ABHD2: variants seen among roughly 807,000 people sequenced by gnomAD.
ABHD2 encodes the protein abhydrolase domain containing 2, acylglycerol lipase.
In ABHD2, 20 loss-of-function variants were observed where a neutral mutation model predicts 48.1. That is an observed-to-expected ratio of 0.42 (90% CI 0.29 to 0.60). The LOEUF (loss-of-function observed/expected upper bound fraction) is 0.60, where lower values mean the gene tolerates loss of function less well. ABHD2 is among the 20% of genes least tolerant of loss of function. The probability of loss-of-function intolerance (pLI) is 0.24; values close to 1 mark genes in which losing one functional copy is unlikely to be tolerated. For synonymous variants in ABHD2, 209 were observed against 214.2 expected, an observed-to-expected ratio of 0.98 and a Z score of 0.21; for missense variants, 405 against 550.9, an observed-to-expected ratio of 0.74 and a Z score of 2.65.
chr15:89,150,556 G>C (rs1355839708), intron 3 of ABHD2, among the ~76,000 whole-genome samples: 1 of 152,180 alleles, frequency 6.6e-6, no homozygotes, highest in Non-Finnish European at 1.5e-5. Context: ...AAGGAAGCTT[G>C]TCTGGGAACT....
At chr15:89,170,379 C>T (rs562186579) in intron 5 of ABHD2, among the ~76,000 whole-genome samples, 3 of 151,934 alleles carry the variant, frequency 2.0e-5, no homozygotes, top group African/African-American at 7.3e-5. Flanking sequence ...TTACAAGCAT[C>T]AGCCACCGCG....
the ABHD2 span, among the ~76,000 whole-genome samples, chr15:89,060,010 C>G: frequency 1.3e-5 from 2 of 150,580 alleles, no homozygotes; most frequent in Non-Finnish European, 3.0e-5. Context: ...AAAGCGGGAA[C>G]TGGATTCAGA....
At position 89,185,357 on chromosome 15, in the gene ABHD2, GC is replaced by G; in HGVS notation, c.723-62del. ...ACAAGCACCTCACCCCATGGCTAGA[GC>G]CCCCTCCTGGCTGCCCGCCTGCACC... On this transcript the variant is annotated intron_variant, in intron 6 of 10. Transcript: ENST00000352732. This position sits in a 1 kb window ranked among gnomAD's most constrained non-coding sequence, Gnocchi z 5.9. 7.7e-7 allele frequency: 1 copy of G among 1,302,034 alleles called. No homozygotes were observed. The highest frequency in any genetic ancestry group is 1.5e-5 in the African/African-American group (1 of 68,398). The allele number at this position is 1,302,034 out of a possible 1,614,324, so 80.7% of individuals were successfully genotyped here.
intron 3 of ABHD2, among the ~76,000 whole-genome samples, chr15:89,123,987 T>C (rs1021473503): frequency 1.3e-5 from 2 of 152,246 alleles, no homozygotes; most frequent in East Asian, 3.8e-4. Context: ...TCTATTGCTG[T>C]TGTACATACT....
the ABHD2 span, among the ~76,000 whole-genome samples, chr15:89,078,767 G>C: frequency 1.1e-4 from 15 of 141,158 alleles, no homozygotes; most frequent in Non-Finnish European, 2.1e-4. Flanking sequence ...ACAGAGTCTT[G>C]TCATCCAGGC....
chr15:89,146,360 G>A lies in ABHD2; in HGVS notation c.195-5317G>A, dbSNP rs1288726039. Among the ~76,000 whole-genome samples the A allele has an allele frequency of 2.3e-5, 1 of 43,644 alleles. No individual in the cohort carries two copies. The highest frequency in any genetic ancestry group is 3.8e-5 in the Non-Finnish European group (1 of 26,320). The allele number at this position is 43,644 out of a possible 152,430, so 28.6% of individuals were successfully genotyped here. On this transcript the variant is annotated intron_variant, in intron 3 of 10. Transcript: ENST00000352732. This position sits in a 1 kb window ranked among gnomAD's most constrained non-coding sequence, Gnocchi z 4.2. ...TTCATCTGCTCAAAGACGTACGTGT[G>A]TGTGTGTGTGTGTGTGTGTGTGTGT...
chr15:89,130,245 C>A (rs1462197370), intron 3 of ABHD2, among the ~76,000 whole-genome samples: 1 of 152,200 alleles, frequency 6.6e-6, no homozygotes, highest in Non-Finnish European at 1.5e-5. Flanking sequence ...TTATTTCTCA[C>A]TCATGCTACG....
chr15:89,089,981 G>T (rs1326773793), intron 1 of ABHD2, among the ~76,000 whole-genome samples: 1 of 152,164 alleles, frequency 6.6e-6, no homozygotes, highest in Non-Finnish European at 1.5e-5. Flanking sequence ...TCTCCTCAAT[G>T]CACAGGTGAG....
chr15:89,191,006 G>A (rs531899486), intron 8 of ABHD2, 74 bp from the exon 9 acceptor site: 22 of 1,475,402 alleles, frequency 1.5e-5, no homozygotes, highest in East Asian at 6.8e-5. Flanking sequence ...TGGAGCCATC[G>A]TCGGCTCAGC....
intron 3 of ABHD2, among the ~76,000 whole-genome samples, chr15:89,141,149 TA>T (rs911382161): frequency 2.0e-5 from 3 of 151,826 alleles, no homozygotes; most frequent in African/African-American, 7.3e-5. Flanking sequence ...ATTAATTAAT[TA>T]ATTAATTTTT....
intron 6 of ABHD2, among the ~76,000 whole-genome samples, chr15:89,180,340 C>A (rs1176029943): frequency 6.6e-6 from 1 of 151,990 alleles, no homozygotes; most frequent in Non-Finnish European, 1.5e-5. Context: ...AAAAGTACAT[C>A]CTGCAAAAGG....
intron 1 of ABHD2, among the ~76,000 whole-genome samples, chr15:89,098,685 G>A (rs1353018609): frequency 1.3e-5 from 2 of 152,140 alleles, no homozygotes; most frequent in Non-Finnish European, 2.9e-5. Flanking sequence ...GTGGGATGAT[G>A]GAAAATGCCG....
chr15:89,079,098 C>G, the ABHD2 span, among the ~76,000 whole-genome samples: 1 of 152,182 alleles, frequency 6.6e-6, no homozygotes, highest in Non-Finnish European at 1.5e-5. The surrounding 1 kb of genome is among the most constrained non-coding windows in gnomAD (Gnocchi z 4.3). Context: ...AATAATTCCT[C>G]TGCCCACCCA....
intron 2 of ABHD2, among the ~76,000 whole-genome samples, chr15:89,115,915 G>A (rs1000280295): frequency 2.4e-4 from 37 of 151,940 alleles, no homozygotes; most frequent in Non-Finnish European, 2.9e-5. Context: ...CCTACAGAGA[G>A]GAAAAAAAAC....
Position 89,177,895 on chromosome 15 carries a change from C to A in ABHD2, c.722+1900C>A, listed in dbSNP as rs1212086504. 1.3e-5 allele frequency among the ~76,000 whole-genome samples: 2 copies of A among 152,076 alleles called. No homozygotes were observed. The highest frequency in any genetic ancestry group is 2.4e-5 in the African/African-American group (1 of 41,408). ...ATGCACAAAATCTTAACACGACAAT[C>A]CCTTCATCTCATTTTGCTGCAGTAG... On this transcript the variant is annotated intron_variant, in intron 6 of 10. Coordinates refer to ENST00000352732, the MANE Select transcript of ABHD2 (RefSeq NM_152924.5). This position sits in a 1 kb window ranked among gnomAD's most constrained non-coding sequence, Gnocchi z 5.6.
Position 89,193,393 on chromosome 15 carries a change from C to G in ABHD2, c.1081+74C>G, listed in dbSNP as rs553392020. On this transcript the variant is annotated intron_variant, in intron 10 of 10. Transcript: ENST00000352732. The stretch of plus-strand genomic sequence containing the variant: ...AGTAAATTCTGTCACCTTCACCATG[C>G]TGTCATCTCCTGGAGACCACCCTCT... 53 of 1,198,018 alleles carry G rather than the reference C, an allele frequency of 4.4e-5. No individual in the cohort carries two copies. In the East Asian group the frequency reaches 7.2e-4, roughly 16 times the overall value. The allele number at this position is 1,198,018 out of a possible 1,614,324, so 74.2% of individuals were successfully genotyped here.
chr15:89,140,127 G>A (rs1195167143), intron 3 of ABHD2, among the ~76,000 whole-genome samples: 1 of 152,232 alleles, frequency 6.6e-6, no homozygotes, highest in African/African-American at 2.4e-5. Context: ...GACACAGCCG[G>A]TGTGTAGAGC....
chr15:89,047,472 G>GAT, the ABHD2 span, among the ~76,000 whole-genome samples: 1 of 150,932 alleles, frequency 6.6e-6, no homozygotes, highest in African/African-American at 2.5e-5. Context: ...CTGTCTCATT[G>GAT]ATCTGTCTAA....
rs1278208562 is a variant in ABHD2, at chr15:89,174,533, T to C, written c.539-1279T>C. Among the ~76,000 whole-genome samples, 2 of 152,138 alleles carry C rather than the reference T, an allele frequency of 1.3e-5. No homozygotes were observed. Among genetic ancestry groups the C allele is most frequent in the Non-Finnish European group, 2.9e-5 (2 of 68,032 alleles). ...ATCCTACCACAAAAGAAGACAGATATAAGGGGAGTTTACCCCAGGCTCAAA... is the reference window on the plus strand; with the variant it reads ...ATCCTACCACAAAAGAAGACAGATACAAGGGGAGTTTACCCCAGGCTCAAA... On this transcript the variant is annotated intron_variant, in intron 5 of 10. Transcript: ENST00000352732. This position sits in a 1 kb window ranked among gnomAD's most constrained non-coding sequence, Gnocchi z 4.1.
Sources: gnomAD v4.1 joint callset for allele counts (sites outside exome capture counted in the v4.1 genomes callset) on GRCh38, gnomAD v4.1.1 for gene constraint, Gnocchi (gnomAD v3.1) non-coding constraint, MANE v1.5 for transcripts, NCBI Gene and HGNC (gene_info 2026-07-23, HGNC 2026-07-21) for gene names.